The following ZNF180 variants were observed in gnomAD, a reference collection of about 807,000 sequenced individuals.
ZNF180 encodes zinc finger protein 180.
In ZNF180, 11 loss-of-function variants were observed where a neutral mutation model predicts 11.8. The ratio of observed to expected loss-of-function variants is 0.93; its 90% CI spans 0.59 to 1.55. The LOEUF is 1.55. ZNF180 is among the 40% of genes most tolerant of loss of function. The pLI, the probability that ZNF180 is intolerant of heterozygous loss-of-function variation, is 0.00. For synonymous variants in ZNF180, 287 were observed against 257.7 expected (o/e 1.11, Z -1.09); for missense variants, 773 against 781.7 (o/e 0.99, Z 0.13).
Position 44,477,479 on chromosome 19 carries a change from G to C in ZNF180, c.921C>G (p.Thr307=), listed in dbSNP as rs767451163. The C allele has an allele frequency of 6.2e-7, 1 of 1,614,028 alleles. No individual in the cohort carries two copies. Among genetic ancestry groups the C allele is most frequent in the Non-Finnish European group, 8.5e-7 (1 of 1,179,970 alleles). The change falls in exon 5 of 5, where the codon ACC becomes ACG. Residue 307 remains threonine (T), a synonymous_variant. Transcript: ENST00000592529. ...TTTGAGTAAGGGAGGAACTATGAGA[G>C]GTTTCACTACATTTATATTGACTCT... The part of the protein sequence containing the change: ...FEESQYKCSE[T]SHSSSLTQNM...
At position 44,477,642 on chromosome 19, in the gene ZNF180, T is replaced by G. The variant is rs372093868; in HGVS notation, c.758A>C (p.Gln253Pro). ...DKSYGFSDRI[Q>P]SFCHGTPLHI... is the part of the protein sequence containing the mutation. ...TAGGGGTGTACCATGGCAAAAAGAT[T>G]GAATACGGTCACTAAATCCATAGGA... is the stretch of plus-strand genomic sequence containing the variant. The change falls in exon 5 of 5, where the codon CAA (glutamine) becomes CCA (proline). Residue 253 changes from glutamine to proline, a missense_variant. Gln to Pro is a moderately conservative substitution (Grantham distance 76, BLOSUM62 -1). Transcript: ENST00000592529. 21 of 1,613,928 alleles carry G rather than the reference T, an allele frequency of 1.3e-5. No homozygotes were observed. The highest frequency in any genetic ancestry group is 1.8e-5 in the Non-Finnish European group (21 of 1,179,956).
intron 3 of ZNF180, among the ~76,000 whole-genome samples, chr19:44,482,517 C>G (rs1024811866): frequency 2.6e-5 from 4 of 152,038 alleles, no homozygotes; most frequent in African/African-American, 9.7e-5. Context: ...GAAACTCATG[C>G]CATTTACCTC....
chr19:44,492,342 TTTACTC>T (rs1970469305), intron 2 of ZNF180, among the ~76,000 whole-genome samples: 1 of 150,014 alleles, frequency 6.7e-6, no homozygotes, highest in East Asian at 2.0e-4. Context: ...ATTAAAAACT[TTTACTC>T]TACTTTCTGT....
chr19:44,499,832 T>C (rs189248600), intron 1 of ZNF180, among the ~76,000 whole-genome samples: 124 of 152,170 alleles, frequency 8.1e-4, no homozygotes, highest in Admixed American at 2.6e-3. Flanking sequence ...ACCTACAACC[T>C]TTTGCTTCCT....
At chr19:44,479,139 A>G (rs1970010685) in intron 4 of ZNF180, 144 bp downstream of exon 4, 1 of 958,726 alleles carries the variant, frequency 1.0e-6, no homozygotes, top group Non-Finnish European at 1.5e-6. Context: ...ACTAAAATTA[A>G]TCTTCACTGG....
Position 44,497,287 on chromosome 19 carries a change from T to A in ZNF180, c.48A>T (p.Ala16=), listed in dbSNP as rs145277714. The change falls in exon 2 of 5, where the codon GCA becomes GCT. Residue 16 remains alanine, a synonymous_variant. Transcript: ENST00000592529. ...EKPPEPPKVC[A]QDSFLPQEII... ...CAAGCTCTGGGTCTCCACTCACCTG[T>A]GCACAGACCTTCGGGGGCTCTGGGG... 30 of 1,591,244 alleles carry A rather than the reference T, an allele frequency of 1.9e-5. No individual in the cohort carries two copies. In the African/African-American group the frequency reaches 3.7e-4, roughly 20 times the overall value.
At chr19:44,498,396 G>T (rs1486230087) in intron 1 of ZNF180, among the ~76,000 whole-genome samples, 2 of 152,106 alleles carry the variant, frequency 1.3e-5, no homozygotes, top group Non-Finnish European at 2.9e-5. Context: ...ACGCAGCATA[G>T]CGTAGGTTCA....
intron 2 of ZNF180, among the ~76,000 whole-genome samples, chr19:44,486,999 T>C (rs951525911): frequency 4.6e-5 from 7 of 151,998 alleles, no homozygotes; most frequent in Non-Finnish European, 1.0e-4. Context: ...GCTGAGACCA[T>C]GCCACTTCAC....
At chr19:44,500,158 C>G (rs1379178666) in intron 1 of ZNF180, 117 bp downstream of exon 1, 1 of 1,613,866 alleles carries the variant, frequency 6.2e-7, no homozygotes, top group Non-Finnish European at 8.5e-7. Flanking sequence ...GAGGCTAAAG[C>G]GCCACCCGCA....
intron 2 of ZNF180, among the ~76,000 whole-genome samples, chr19:44,486,912 G>A (rs1252618123): frequency 6.6e-6 from 1 of 152,044 alleles, no homozygotes; most frequent in Non-Finnish European, 1.5e-5. Flanking sequence ...AGCTAGGTGT[G>A]GTATACCTGT....
At chr19:44,483,431 G>T (rs982460649) in intron 3 of ZNF180, among the ~76,000 whole-genome samples, 27 of 152,198 alleles carry the variant, frequency 1.8e-4, no homozygotes, top group Non-Finnish European at 2.1e-4. Flanking sequence ...AATTGCCACT[G>T]CAGGGAAAAA....
intron 2 of ZNF180, among the ~76,000 whole-genome samples, chr19:44,490,025 G>A (rs1170383328): frequency 8.1e-5 from 3 of 37,224 alleles, no homozygotes; most frequent in African/African-American, 2.1e-4. Flanking sequence ...GAAAGAAAAA[G>A]ACAGGAAAGA....
intron 2 of ZNF180, among the ~76,000 whole-genome samples, chr19:44,492,662 T>C (rs1418182067): frequency 6.7e-5 from 5 of 74,800 alleles, no homozygotes; most frequent in Admixed American, 6.6e-4. Context: ...TGCTCACCTA[T>C]AAATAGAGAT....
rs1296308741 is a variant in ZNF180 at position 44,476,741 on chromosome 19, A to C, written c.1659T>G (p.Asn553Lys). Reference protein sequence around the residue: ...IHTGEKPYECNQCGKSFSQSY... With the variant: ...IHTGEKPYECKQCGKSFSQSY... ...TCTGGCTGAAGGATTTCCCACACTGATTACATTCATACGGTTTTTCCCCAG... is the reference window on the plus strand; with the variant it reads ...TCTGGCTGAAGGATTTCCCACACTGCTTACATTCATACGGTTTTTCCCCAG... Residue 553 changes from asparagine to lysine, a missense_variant, in exon 5 of 5, where the codon AAT (asparagine) becomes AAG (lysine). Transcript: ENST00000592529. 1.2e-6 allele frequency: 2 copies of C among 1,614,054 alleles called. No homozygotes were observed. The highest frequency in any genetic ancestry group is 4.5e-5 in the East Asian group (2 of 44,884).
chr19:44,500,252 C>G (rs774282974), intron 1 of ZNF180, 23 bp downstream of exon 1: 3 of 1,613,818 alleles, frequency 1.9e-6, no homozygotes, highest in Admixed American at 3.3e-5. Flanking sequence ...GGACACCAAG[C>G]GCTGCCCCAC....
chr19:44,489,020 G>A (rs866490428), intron 2 of ZNF180, among the ~76,000 whole-genome samples: 5 of 149,450 alleles, frequency 3.3e-5, no homozygotes, highest in South Asian at 4.3e-4. Flanking sequence ...AGTGAGTAGC[G>A]TCTCCGCCCG....
chr19:44,482,129 A>T (rs1184142720), intron 3 of ZNF180, among the ~76,000 whole-genome samples: 1 of 152,164 alleles, frequency 6.6e-6, no homozygotes, highest in African/African-American at 2.4e-5. Context: ...AACATGGTGA[A>T]ACCCTGTCTC....
chr19:44,484,877 C>T (rs1970183568), intron 2 of ZNF180: 1 of 171,222 alleles, frequency 5.8e-6, no homozygotes, highest in Admixed American at 5.9e-5. Context: ...AGATGTTTAG[C>T]AGGCCGGGTG....
chr19:44,474,714 C>G lies in ZNF180; in HGVS notation c.*1688G>C, dbSNP rs937878404. 2 of 152,246 alleles carry G rather than the reference C, an allele frequency of 1.3e-5. No individual in the cohort carries two copies. Among genetic ancestry groups the G allele is most frequent in the Non-Finnish European group, 2.9e-5 (2 of 68,046 alleles). The allele number at this position is 152,246 out of a possible 1,614,324, so 9.4% of individuals were successfully genotyped here. The stretch of plus-strand genomic sequence containing the variant: ...AGACCATTGCAGGGGCACAGTCTTT[C>G]AACCCCACTGGCCATGTAAGACTAG... On this transcript the variant is annotated 3_prime_UTR_variant, in exon 5 of 5. Transcript: ENST00000592529.
Sources: allele counts gnomAD v4.1 joint callset (sites outside exome capture counted in the v4.1 genomes callset), GRCh38; gene constraint gnomAD v4.1.1; transcripts MANE v1.5; gene names NCBI Gene and HGNC (gene_info 2026-07-23, HGNC 2026-07-21).